The following DDHD1 variants were observed in gnomAD, a reference collection of about 807,000 sequenced individuals.
DDHD1 encodes the protein DDHD domain containing 1.
Under a neutral mutation model 96.4 loss-of-function variants are expected in DDHD1, and 49 were observed. That is an observed-to-expected ratio of 0.51 (90% CI 0.40 to 0.64). The LOEUF (loss-of-function observed/expected upper bound fraction) is 0.64. DDHD1 is among the 30% of genes least tolerant of loss of function. The pLI is 0.00. For missense variants in DDHD1, 1,106 were observed against 1,161.2 expected (o/e 0.95, Z 0.69); for synonymous variants, 442 against 446.5 (o/e 0.99, Z 0.13).
At chr14:53,116,999 C>G (rs1888592732) in intron 1 of DDHD1, among the ~76,000 whole-genome samples, 1 of 151,878 alleles carries the variant, frequency 6.6e-6, no homozygotes, top group Admixed American at 6.6e-5. Context: ...GAAGAATTAA[C>G]AAAATAGACT....
chr14:53,064,442 TTTG>T (rs1883852598), intron 6 of DDHD1, among the ~76,000 whole-genome samples: 1 of 152,008 alleles, frequency 6.6e-6, no homozygotes, highest in Admixed American at 6.6e-5. Flanking sequence ...CATATTAAAG[TTTG>T]TTAAAAAAGG....
At chr14:53,094,716 T>G (rs1296123773) in intron 2 of DDHD1, among the ~76,000 whole-genome samples, 1 of 151,702 alleles carries the variant, frequency 6.6e-6, no homozygotes, top group African/African-American at 2.4e-5. Flanking sequence ...TGGTGATATG[T>G]GCCTGTGGTT....
At chr14:53,057,611 T>C (rs564246382) in intron 9 of DDHD1, among the ~76,000 whole-genome samples, 27 of 152,220 alleles carry the variant, frequency 1.8e-4, no homozygotes, top group Non-Finnish European at 2.6e-4. Flanking sequence ...ATTTATGGTT[T>C]CTAGGTTACT....
At chr14:53,086,851 G>T (rs773949871) in intron 4 of DDHD1, among the ~76,000 whole-genome samples, 2 of 151,526 alleles carry the variant, frequency 1.3e-5, no homozygotes, top group Non-Finnish European at 2.9e-5. Flanking sequence ...AAAAGATACA[G>T]ACTGGCAAAT....
chr14:53,100,733 C>A (rs781536786), intron 2 of DDHD1, among the ~76,000 whole-genome samples: 1 of 152,128 alleles, frequency 6.6e-6, no homozygotes, highest in Non-Finnish European at 1.5e-5. Context: ...CTATTAGTTT[C>A]TTTGATATTC....
chr14:53,059,092 C>T (rs1883310440), intron 8 of DDHD1, among the ~76,000 whole-genome samples: 1 of 152,028 alleles, frequency 6.6e-6, no homozygotes, highest in African/African-American at 2.4e-5. Context: ...GAAGGCTTTA[C>T]AGAGGAGGTA....
intron 1 of DDHD1, 102 bp downstream of exon 1, chr14:53,152,159 A>T: frequency 8.1e-7 from 1 of 1,231,816 alleles, no homozygotes; most frequent in Non-Finnish European, 1.1e-6. Context: ...GCCAGGCCTC[A>T]CGCGCCTCCC....
chr14:53,152,287 C>T lies in DDHD1; in HGVS notation c.812G>A (p.Gly271Glu). 2 of 1,612,488 alleles carry T rather than the reference C, an allele frequency of 1.2e-6. No homozygotes were observed. Among genetic ancestry groups the T allele is most frequent in the South Asian group, 2.2e-5 (2 of 90,748 alleles). The part of the protein sequence containing the change: ...GGLYEVDVTQ[G>E]ECYPVYWNQA... ...GTTCCAGTACACCGGGTAGCACTCT[C>T]CTTGGGTCACATCCACCTCGTAGAG... The change falls in exon 1 of 13, where the codon GGA becomes GAA. Residue 271 changes from glycine to glutamate, a missense_variant. Around this residue, in one of 2 missense-constraint regions of DDHD1, gnomAD observed 456 missense variants for 402.4 expected, o/e 1.13. Coordinates refer to ENST00000673822, the MANE Select transcript of DDHD1 (RefSeq NM_001160148.2).
At chr14:53,130,647 C>T (rs1465721587) in intron 1 of DDHD1, among the ~76,000 whole-genome samples, 1 of 152,234 alleles carries the variant, frequency 6.6e-6, no homozygotes, top group Non-Finnish European at 1.5e-5. Flanking sequence ...TCCTCCAGGA[C>T]CTCCTCCCCC....
At chr14:53,139,312 G>A (rs1406505371) in intron 1 of DDHD1, among the ~76,000 whole-genome samples, 1 of 152,102 alleles carries the variant, frequency 6.6e-6, no homozygotes, top group African/African-American at 2.4e-5. Flanking sequence ...CCAAGTTAGG[G>A]AGTAAGTTTC....
chr14:53,068,589 C>T (rs1037576977), intron 6 of DDHD1, among the ~76,000 whole-genome samples: 3 of 152,088 alleles, frequency 2.0e-5, no homozygotes, highest in Admixed American at 6.6e-5. Context: ...CTCATTGCTA[C>T]TTTTTATTAC....
intron 4 of DDHD1, among the ~76,000 whole-genome samples, chr14:53,084,746 G>C (rs942610997): frequency 2.4e-4 from 37 of 152,302 alleles, no homozygotes; most frequent in African/African-American, 8.7e-4. Context: ...TCCAACTGAG[G>C]TACCTGGTTC....
chr14:53,101,556 T>C (rs1887297867), intron 2 of DDHD1, among the ~76,000 whole-genome samples: 1 of 152,030 alleles, frequency 6.6e-6, no homozygotes, highest in African/African-American at 2.4e-5. Flanking sequence ...TAATTTTCCA[T>C]TACTAATTAA....
At position 53,152,856 on chromosome 14, in the gene DDHD1, G is replaced by A; in HGVS notation, c.243C>T (p.Asp81=). The A allele has an allele frequency of 6.2e-7, 1 of 1,611,932 alleles. No individual in the cohort carries two copies. Among genetic ancestry groups the A allele is most frequent in the Non-Finnish European group, 8.5e-7 (1 of 1,179,198 alleles). Residue 81 remains aspartate (D), a synonymous_variant, in exon 1 of 13, where the codon GAC becomes GAT. Coordinates refer to ENST00000673822, the MANE Select transcript of DDHD1 (RefSeq NM_001160148.2). Reference sequence around the variant, plus strand: ...CATAGTTCTCGTCACTGAGGCAGGGGTCCAGCGCGAGGTGGTGGTTGTGGT... The same window carrying A: ...CATAGTTCTCGTCACTGAGGCAGGGATCCAGCGCGAGGTGGTGGTTGTGGT... ...TDDHNHHLAL[D]PCLSDENYDF... is the part of the protein sequence containing the mutation.
chr14:53,069,403 C>G (rs150834768), intron 6 of DDHD1, among the ~76,000 whole-genome samples: 38 of 152,346 alleles, frequency 2.5e-4, no homozygotes, highest in African/African-American at 8.7e-4. Context: ...TGTGGCAACC[C>G]TGGTGCCACT....
chr14:53,110,131 C>T (rs982737369), intron 1 of DDHD1, among the ~76,000 whole-genome samples: 1 of 152,232 alleles, frequency 6.6e-6, no homozygotes, highest in Non-Finnish European at 1.5e-5. Context: ...GCTGCCTCCT[C>T]AAGTACTTCT....
At position 53,153,303 on chromosome 14, in the gene DDHD1, A is replaced by T. The variant is rs1566618155; in HGVS notation, c.-205T>A. On this transcript the variant is annotated 5_prime_UTR_variant, in exon 1 of 13. Transcript: ENST00000673822. ...GCGTTCTGCCGCCGGCCCCATTGTCACGCAGCCCGACGTAGGCGGTGCTTC... is the reference window on the plus strand; with the variant it reads ...GCGTTCTGCCGCCGGCCCCATTGTCTCGCAGCCCGACGTAGGCGGTGCTTC... 6 of 402,182 alleles carry T rather than the reference A, an allele frequency of 1.5e-5. No homozygotes were observed. In the East Asian group the frequency reaches 1.9e-4, roughly 13 times the overall value. 24.9% of individuals were successfully genotyped at this position (402,182 alleles called of 1,614,324 possible). A position where few individuals can be genotyped will look rare whatever the true frequency, so the allele number is the denominator to read the frequency against.
chr14:53,130,164 T>A (rs1481996357), intron 1 of DDHD1, among the ~76,000 whole-genome samples: 3 of 152,040 alleles, frequency 2.0e-5, no homozygotes, highest in African/African-American at 7.3e-5. Context: ...CACCCTATAA[T>A]CTTTCTATCA....
At chr14:53,105,461 G>A (rs1887617452) in intron 1 of DDHD1, among the ~76,000 whole-genome samples, 1 of 151,970 alleles carries the variant, frequency 6.6e-6, no homozygotes, top group African/African-American at 2.4e-5. Context: ...GGTATATTTA[G>A]GTGTTTGCTG....
Sources: allele counts gnomAD v4.1 joint callset (sites outside exome capture counted in the v4.1 genomes callset), GRCh38; gene constraint gnomAD v4.1.1; regional missense constraint gnomAD v4.1.1; transcripts MANE v1.5; gene names NCBI Gene and HGNC (gene_info 2026-07-23, HGNC 2026-07-21).